The following RADIL variants were observed in gnomAD, a reference collection of about 807,000 sequenced individuals.
RADIL encodes Rap associating with DIL domain, also known as ras-associating and dilute domain-containing protein.
Under a neutral mutation model 97.6 loss-of-function variants are expected in RADIL, and 99 were observed. That is an observed-to-expected ratio of 1.01 (90% CI 0.86 to 1.20). The LOEUF (loss-of-function observed/expected upper bound fraction) is 1.20. RADIL is among the 50% of genes most tolerant of loss of function. The probability of loss-of-function intolerance (pLI) is 0.00; values close to 1 mark genes in which losing one functional copy is unlikely to be tolerated. For synonymous variants in RADIL, 803 were observed against 691.8 expected (o/e 1.16, Z -2.52); for missense variants, 1,765 against 1,498.9 (o/e 1.18, Z -2.93).
Position 4,878,084 on chromosome 7 carries a change from C to T in RADIL, c.56G>A (p.Arg19Gln), listed in dbSNP as rs745953346. The T allele has an allele frequency of 1.0e-5, 16 of 1,593,814 alleles. No homozygotes were observed. The highest frequency in any genetic ancestry group is 5.7e-5 in the South Asian group (5 of 88,142). Residue 19 changes from arginine (R) to glutamine (Q), a missense_variant, in exon 2 of 15, where the codon CGG (arginine) becomes CAG (glutamine). By Grantham distance (43) the Arg-to-Gln change is conservative (BLOSUM62 1). Coordinates refer to ENST00000399583, the MANE Select transcript of RADIL (RefSeq NM_018059.5). The surrounding 1 kb of genome is among the most constrained non-coding windows in gnomAD (Gnocchi z 4.1). ...CATGCTGGACAACAGCTGGCTCTGC[C>T]GCTTCAGTTTGCTCTTGGTGGGCGG... ...MSPPTKSKLKRQSQLLSSMLS... is the reference protein window; with the variant it reads ...MSPPTKSKLKQQSQLLSSMLS...
At chr7:4,844,443 A>T (rs1783521554) in intron 2 of RADIL, among the ~76,000 whole-genome samples, 1 of 151,898 alleles carries the variant, frequency 6.6e-6, no homozygotes, top group South Asian at 2.1e-4. Context: ...GACTCCATCT[A>T]AAAAAAACAA....
rs114915914 is a variant in RADIL at position 4,880,859 on chromosome 7, G to C, written c.-64-2656C>G. 7.0e-4 allele frequency among the ~76,000 whole-genome samples: 107 copies of C among 152,342 alleles called. No homozygotes were observed. Among genetic ancestry groups the C allele is most frequent in the African/African-American group, 2.5e-3 (103 of 41,576 alleles). On this transcript the variant is annotated intron_variant, in intron 1 of 14. Transcript: ENST00000399583. The surrounding 1 kb of genome is among the most constrained non-coding windows in gnomAD (Gnocchi z 4.5). ...ATGAAGCAGAGCCAAGTATTTAAAA[G>C]GCCAAGGCAGGAGAATGGCTTAAGG...
intron 10 of RADIL, 28 bp downstream of exon 10, chr7:4,805,538 C>G (rs759962923): frequency 4.5e-5 from 70 of 1,552,452 alleles, no homozygotes; most frequent in Non-Finnish European, 5.9e-5. Flanking sequence ...GAGTCCCCAG[C>G]CCTCTCCTGC....
Position 4,817,352 on chromosome 7 carries a change from C to T in RADIL, c.1616-1G>A. The T allele has an allele frequency of 6.2e-7, 1 of 1,610,440 alleles. No individual in the cohort carries two copies. ...CAGGAGAACAGCGATTCCTTCGAGC[C>T]TGCCGGGAGACAGCCACGCCAATGG... On this transcript the variant is annotated splice_acceptor_variant, in intron 6 of 14. Transcript: ENST00000399583. LOFTEE classifies it high-confidence loss of function. This position sits in a 1 kb window ranked among gnomAD's most constrained non-coding sequence, Gnocchi z 8.3.
Position 4,822,147 on chromosome 7 carries a change from G to T in RADIL, c.1615+247C>A, listed in dbSNP as rs910804571. On this transcript the variant is annotated intron_variant, in intron 6 of 14. Transcript: ENST00000399583. The surrounding 1 kb of genome is among the most constrained non-coding windows in gnomAD (Gnocchi z 5.3). ...GGACGCCACCGCACGGAGCACACGG[G>T]ATGATGGGGACAGACTGAGTGCCAA... Among the ~76,000 whole-genome samples, 1 of 152,102 alleles carries T rather than the reference G, an allele frequency of 6.6e-6. No homozygotes were observed. Among genetic ancestry groups the T allele is most frequent in the African/African-American group, 2.4e-5 (1 of 41,442 alleles).
intron 5 of RADIL, among the ~76,000 whole-genome samples, chr7:4,830,128 C>T (rs967625272): frequency 6.6e-6 from 1 of 152,212 alleles, no homozygotes; most frequent in South Asian, 2.1e-4. Flanking sequence ...GAGTATCATA[C>T]GTACGTGTGT....
chr7:4,862,363 C>T (rs754298929), intron 2 of RADIL, among the ~76,000 whole-genome samples: 1 of 152,202 alleles, frequency 6.6e-6, no homozygotes, highest in Non-Finnish European at 1.5e-5. Flanking sequence ...TGGAAAGCAG[C>T]TTCTGTCTTG....
chr7:4,814,309 TA>T lies in RADIL; in HGVS notation c.2139+968del, dbSNP rs1782619913. On this transcript the variant is annotated intron_variant, in intron 9 of 14. Transcript: ENST00000399583. This position sits in a 1 kb window ranked among gnomAD's most constrained non-coding sequence, Gnocchi z 4.5. ...CATTTTACGAATTTTCTACAGTCAA[TA>T]AAAATGCTTCACTTTTTTTTTCTTT... Among the ~76,000 whole-genome samples the T allele has an allele frequency of 5.9e-5, 9 of 152,326 alleles. No individual in the cohort carries two copies. The South Asian group carries it at 1.9e-3, about 32-fold the overall frequency.
At chr7:4,836,207 C>T in intron 3 of RADIL, 151 bp downstream of exon 3, 1 of 1,247,682 alleles carries the variant, frequency 8.0e-7, no homozygotes, top group East Asian at 2.6e-5. Flanking sequence ...CCCCCGCCAT[C>T]CCACTCCACA....
rs1784424062 is a variant in RADIL, at chr7:4,878,775, G to A, written c.-64-572C>T. ...GGAAAGTGCTGGGCGCAGCGCCCGT[G>A]TGCAGTGAGCATCAAGGAGCGCCCC... On this transcript the variant is annotated intron_variant, in intron 1 of 14. Coordinates refer to ENST00000399583, the MANE Select transcript of RADIL (RefSeq NM_018059.5). The surrounding 1 kb of genome is among the most constrained non-coding windows in gnomAD (Gnocchi z 4.1). Among the ~76,000 whole-genome samples, 1 of 152,226 alleles carries A rather than the reference G, an allele frequency of 6.6e-6. No individual in the cohort carries two copies. The highest frequency in any genetic ancestry group is 2.1e-4 in the South Asian group (1 of 4,834).
rs1783792362 is a variant in RADIL at position 4,854,933 on chromosome 7, G to C, written c.536-18328C>G. 6.6e-6 allele frequency among the ~76,000 whole-genome samples: 1 copy of C among 152,126 alleles called. No individual in the cohort carries two copies. Among genetic ancestry groups the C allele is most frequent in the Admixed American group, 6.6e-5 (1 of 15,266 alleles). On this transcript the variant is annotated intron_variant, in intron 2 of 14. Coordinates refer to ENST00000399583, the MANE Select transcript of RADIL (RefSeq NM_018059.5). This position sits in a 1 kb window ranked among gnomAD's most constrained non-coding sequence, Gnocchi z 5.1. Reference sequence around the variant, plus strand: ...AGGGAATCACTTTCCTGGATTCCGTGTTTAACATGGCCTTTTTTCATTTAT... The same window carrying C: ...AGGGAATCACTTTCCTGGATTCCGTCTTTAACATGGCCTTTTTTCATTTAT...
intron 9 of RADIL, chr7:4,809,022 C>T (rs1782454002): frequency 1.3e-6 from 1 of 744,606 alleles, no homozygotes. Context: ...CACTGCCCCC[C>T]CTTGTCCCCT....
chr7:4,862,664 G>A (rs552785172), intron 2 of RADIL, among the ~76,000 whole-genome samples: 2 of 152,272 alleles, frequency 1.3e-5, no homozygotes, highest in Admixed American at 6.5e-5. Context: ...ACTATGGGAG[G>A]CCGAGGCGGG....
chr7:4,811,029 CAA>C (rs1782528872), intron 9 of RADIL, among the ~76,000 whole-genome samples: 1 of 151,822 alleles, frequency 6.6e-6, no homozygotes, highest in Non-Finnish European at 1.5e-5. Context: ...CCCAGCTACT[CAA>C]GAGGCCGAGG....
Position 4,819,944 on chromosome 7 carries a change from C to T in RADIL, c.1615+2450G>A, listed in dbSNP as rs1284330686. ...CTCCAACAGCCCAGAGCAATTTTTC[C>T]CATGAAGAGCAGCCAGCACGGGGAC... On this transcript the variant is annotated intron_variant, in intron 6 of 14. Transcript: ENST00000399583. The surrounding 1 kb of genome is among the most constrained non-coding windows in gnomAD (Gnocchi z 5.8). Among the ~76,000 whole-genome samples the T allele has an allele frequency of 6.6e-6, 1 of 152,238 alleles. No homozygotes were observed. The highest frequency in any genetic ancestry group is 1.5e-5 in the Non-Finnish European group (1 of 68,036).
In RADIL at chr7:4,815,221, C is replaced by A. The variant is rs1353966817; in HGVS notation, c.2139+57G>T. 1 of 1,456,400 alleles carries A rather than the reference C, an allele frequency of 6.9e-7. No homozygotes were observed. Among genetic ancestry groups the A allele is most frequent in the East Asian group, 2.6e-5 (1 of 38,544 alleles). 90.2% of individuals were successfully genotyped at this position (1,456,400 alleles called of 1,614,324 possible). A position where few individuals can be genotyped will look rare whatever the true frequency, so the allele number is the denominator to read the frequency against. ...CAGGCTTGGTTTGTGAGCCAGGGAC[C>A]CACAGCATGTGGCCCCGCCCCTCCC... On this transcript the variant is annotated intron_variant, in intron 9 of 14. Transcript: ENST00000399583. The surrounding 1 kb of genome is among the most constrained non-coding windows in gnomAD (Gnocchi z 8.0).
Position 4,835,005 on chromosome 7 carries a change from G to A in RADIL, c.1018C>T (p.His340Tyr), listed in dbSNP as rs542796100. 147 of 1,611,628 alleles carry A rather than the reference G, an allele frequency of 9.1e-5. No homozygotes were observed. In the South Asian group the frequency reaches 1.6e-3, roughly 17 times the overall value. Residue 340 changes from histidine (H) to tyrosine (Y), a missense_variant, in exon 4 of 15, where the codon CAC becomes TAC. Physicochemically the swap from His to Tyr is moderately conservative, Grantham distance 83 (BLOSUM62 2). Coordinates refer to ENST00000399583, the MANE Select transcript of RADIL (RefSeq NM_018059.5). This position sits in a 1 kb window ranked among gnomAD's most constrained non-coding sequence, Gnocchi z 5.8. ...SEVGHRTVVL[H>Y]HGDLLSLGLY... The stretch of plus-strand genomic sequence containing the variant: ...CCCAGGGAGAGCAGGTCCCCGTGGT[G>A]CAGCACCACGGTCCTGTGCCCCACC...
At chr7:4,808,485 G>C (rs972408943) in intron 9 of RADIL, 3 of 749,694 alleles carry the variant, frequency 4.0e-6, no homozygotes, top group African/African-American at 3.8e-5. Context: ...ATTTTTATAG[G>C]GCCCCCAAGC....
At chr7:4,843,219 T>G (rs1048623286) in intron 2 of RADIL, among the ~76,000 whole-genome samples, 1 of 151,814 alleles carries the variant, frequency 6.6e-6, no homozygotes, top group Non-Finnish European at 1.5e-5. Flanking sequence ...TTCGCCATGT[T>G]GGCCAGGATG....
Sources: allele counts gnomAD v4.1 joint callset (sites outside exome capture counted in the v4.1 genomes callset), GRCh38; gene constraint gnomAD v4.1.1; non-coding constraint Gnocchi (gnomAD v3.1); transcripts MANE v1.5; gene names NCBI Gene and HGNC (gene_info 2026-07-23, HGNC 2026-07-21).